The following NME7 variants were observed in gnomAD, a reference collection of about 807,000 sequenced individuals.
The protein encoded by NME7 is nucleoside diphosphate kinase 7.
NME7 carries 41 observed loss-of-function variants against 49.1 expected under a neutral mutation model. The observed-to-expected ratio is 0.83, with a 90% CI of 0.65 to 1.08. The LOEUF is 1.08. NME7 is among the 50% of genes least tolerant of loss of function. The probability of loss-of-function intolerance (pLI) is 0.00; values close to 1 mark genes in which losing one functional copy is unlikely to be tolerated. For missense variants in NME7, 423 were observed against 463.4 expected, an observed-to-expected ratio of 0.91 and a Z score of 0.80; for synonymous variants, 139 against 150.6, an observed-to-expected ratio of 0.92 and a Z score of 0.56.
At chr1:169,155,426 T>C (rs143836392) in intron 11 of NME7, among the ~76,000 whole-genome samples, 150 of 152,342 alleles carry the variant, frequency 9.8e-4, no homozygotes, top group Admixed American at 2.7e-3. Context: ...CTGTTTATGG[T>C]GATAACAAAA....
chr1:169,175,758 C>G (rs551992169), intron 10 of NME7, among the ~76,000 whole-genome samples: 1 of 152,154 alleles, frequency 6.6e-6, no homozygotes, highest in Non-Finnish European at 1.5e-5. Flanking sequence ...CTCTGGACTA[C>G]AGGATAACTA....
chr1:169,201,101 C>T (rs1398757550), intron 10 of NME7, among the ~76,000 whole-genome samples: 4 of 151,976 alleles, frequency 2.6e-5, no homozygotes, highest in Admixed American at 6.6e-5. Context: ...TGTGGCGGCA[C>T]GCACTTGTAG....
At chr1:169,328,842 G>A (rs1313447989) in intron 1 of NME7, among the ~76,000 whole-genome samples, 1 of 151,998 alleles carries the variant, frequency 6.6e-6, no homozygotes, top group Non-Finnish European at 1.5e-5. Flanking sequence ...TGGACTTAGG[G>A]TGCCCCTTAA....
At chr1:169,316,490 T>C (rs974702774) in intron 3 of NME7, among the ~76,000 whole-genome samples, 5 of 152,178 alleles carry the variant, frequency 3.3e-5, no homozygotes, top group Non-Finnish European at 5.9e-5. Context: ...CTCCAGAACG[T>C]ATAAATATAT....
chr1:169,250,948 G>A (rs776649764), intron 7 of NME7, among the ~76,000 whole-genome samples: 3 of 152,088 alleles, frequency 2.0e-5, no homozygotes, highest in Admixed American at 6.6e-5. Context: ...TGTACAATCT[G>A]CAGTTATTAG....
chr1:169,229,243 T>C (rs1043590081), intron 10 of NME7, among the ~76,000 whole-genome samples: 1 of 152,252 alleles, frequency 6.6e-6, no homozygotes, highest in Non-Finnish European at 1.5e-5. Context: ...TGTATTTCCT[T>C]GTGCTTCCAG....
intron 9 of NME7, among the ~76,000 whole-genome samples, chr1:169,232,589 C>T (rs1647678065): frequency 6.6e-6 from 1 of 151,004 alleles, no homozygotes; most frequent in African/African-American, 2.4e-5. Flanking sequence ...CATTATATAA[C>T]AGTGGGAAAA....
At chr1:169,268,308 G>A (rs1351012275) in intron 7 of NME7, among the ~76,000 whole-genome samples, 1 of 133,470 alleles carries the variant, frequency 7.5e-6, no homozygotes, top group East Asian at 2.0e-4. Flanking sequence ...GTTAGGTGGT[G>A]GAGAAAAAGG....
intron 3 of NME7, among the ~76,000 whole-genome samples, chr1:169,316,102 T>C (rs967861806): frequency 1.3e-5 from 2 of 152,016 alleles, no homozygotes; most frequent in African/African-American, 2.4e-5. Flanking sequence ...GAAAATATTC[T>C]AAAAGGACAG....
At chr1:169,224,633 A>C (rs1426251441) in intron 10 of NME7, among the ~76,000 whole-genome samples, 1 of 152,158 alleles carries the variant, frequency 6.6e-6, no homozygotes, top group Non-Finnish European at 1.5e-5. Flanking sequence ...GTCTGGGGGA[A>C]ATCCTGGACT....
At chr1:169,175,654 T>C (rs1178599458) in intron 10 of NME7, among the ~76,000 whole-genome samples, 1 of 152,158 alleles carries the variant, frequency 6.6e-6, no homozygotes, top group Non-Finnish European at 1.5e-5. Context: ...AATATTGTTA[T>C]GCAGTGCATG....
At chr1:169,282,593 T>A (rs982184529) in intron 7 of NME7, among the ~76,000 whole-genome samples, 2 of 152,208 alleles carry the variant, frequency 1.3e-5, no homozygotes, top group Admixed American at 1.3e-4. Flanking sequence ...TTTAGAGCTA[T>A]AATTTTCCAT....
chr1:169,172,313 C>T (rs1659622399), intron 10 of NME7, among the ~76,000 whole-genome samples: 1 of 145,450 alleles, frequency 6.9e-6, no homozygotes, highest in Non-Finnish European at 1.5e-5. Flanking sequence ...CCCACAAAAA[C>T]AAAAACATAC....
chr1:169,312,832 C>T (rs1453499039), intron 3 of NME7, among the ~76,000 whole-genome samples: 2 of 152,090 alleles, frequency 1.3e-5, no homozygotes, highest in Non-Finnish European at 2.9e-5. Flanking sequence ...TCTTTAAATG[C>T]CATTGACCAA....
intron 11 of NME7, among the ~76,000 whole-genome samples, chr1:169,157,759 T>C (rs964321189): frequency 1.2e-4 from 18 of 152,212 alleles, no homozygotes; most frequent in African/African-American, 3.4e-4. Context: ...GTCAGTTAAG[T>C]CCTGAAAGCA....
At chr1:169,155,674 G>A (rs1329549537) in intron 11 of NME7, among the ~76,000 whole-genome samples, 4 of 151,806 alleles carry the variant, frequency 2.6e-5, no homozygotes, top group Non-Finnish European at 5.9e-5. Flanking sequence ...ATGATGATGG[G>A]AAACAAATTT....
intron 11 of NME7, among the ~76,000 whole-genome samples, chr1:169,154,796 TAAAA>T (rs762299673): frequency 7.4e-6 from 1 of 134,610 alleles, no homozygotes; most frequent in Non-Finnish European, 1.6e-5. Context: ...AGACTCTGTC[TAAAA>T]AAAAAAAAAA....
intron 10 of NME7, among the ~76,000 whole-genome samples, chr1:169,194,599 A>G (rs1660322002): frequency 6.6e-6 from 1 of 152,150 alleles, no homozygotes; most frequent in Non-Finnish European, 1.5e-5. Flanking sequence ...TATAAAACCA[A>G]CTGCTCAGCT....
At chr1:169,147,962 T>A (rs1030575097) in intron 11 of NME7, among the ~76,000 whole-genome samples, 2 of 152,020 alleles carry the variant, frequency 1.3e-5, no homozygotes, top group African/African-American at 4.8e-5. Context: ...TTGAAAGAAA[T>A]AATTTCAATT....
Sources: allele counts gnomAD v4.1 joint callset (sites outside exome capture counted in the v4.1 genomes callset), GRCh38; gene constraint gnomAD v4.1.1; transcripts MANE v1.5; gene names NCBI Gene and HGNC (gene_info 2026-07-23, HGNC 2026-07-21).